The following CYFIP2 variants were observed in gnomAD, a reference collection of about 807,000 sequenced individuals.
CYFIP2 encodes cytoplasmic FMR1 interacting protein 2.
In CYFIP2, 29 loss-of-function variants were observed where a neutral mutation model predicts 158.7. The observed-to-expected ratio is 0.18, with a 90% CI of 0.14 to 0.25. CYFIP2 has a LOEUF of 0.25. CYFIP2 is among the 10% of genes least tolerant of loss of function. The pLI is 1.00. For synonymous variants in CYFIP2, 585 were observed against 617.6 expected (o/e 0.95, Z 0.78); for missense variants, 852 against 1,639.5 (o/e 0.52, Z 8.29).
At chr5:157,312,854 G>T (rs1169128222) in intron 11 of CYFIP2, among the ~76,000 whole-genome samples, 1 of 152,158 alleles carries the variant, frequency 6.6e-6, no homozygotes, top group Non-Finnish European at 1.5e-5. Flanking sequence ...TTGAGTGCTA[G>T]AGCTCTTTTA....
chr5:157,358,852 T>C (rs1480320592), intron 23 of CYFIP2, among the ~76,000 whole-genome samples, 153 bp from the exon 24 acceptor site: 1 of 152,214 alleles, frequency 6.6e-6, no homozygotes, highest in Admixed American at 6.5e-5. Flanking sequence ...CCTCTCTCTA[T>C]GACCACCATT....
chr5:157,317,917 G>A (rs186920422), intron 13 of CYFIP2, among the ~76,000 whole-genome samples: 2 of 152,028 alleles, frequency 1.3e-5, no homozygotes, highest in African/African-American at 4.8e-5. Context: ...GCATGGGTTT[G>A]TCTCTAGACC....
At chr5:157,383,616 C>T (rs1766349173) in intron 28 of CYFIP2, 6 of 373,544 alleles carry the variant, frequency 1.6e-5, no homozygotes, top group Middle Eastern at 7.4e-4. Context: ...AAACAAGTAT[C>T]TACTGTGTCC....
At position 157,319,449 on chromosome 5, in the gene CYFIP2, T is replaced by C. The variant is rs1046077565; in HGVS notation, c.1357-313T>C. 3.9e-5 allele frequency among the ~76,000 whole-genome samples: 6 copies of C among 152,358 alleles called. No individual in the cohort carries two copies. The East Asian group carries it at 1.2e-3, about 29-fold the overall frequency. ...AAATTGTGGCCCATGGGCCAGCTGC[T>C]ATTTGTCAGCAGTGAACAACAAAAT... On this transcript the variant is annotated intron_variant, in intron 13 of 30. Transcript: ENST00000620254.
intron 26 of CYFIP2, among the ~76,000 whole-genome samples, chr5:157,371,228 A>T (rs1341829570): frequency 6.6e-6 from 1 of 152,110 alleles, no homozygotes; most frequent in Non-Finnish European, 1.5e-5. Flanking sequence ...CATATAAGGG[A>T]ATGTTTAGAA....
At chr5:157,329,677 A>C (rs1317216347) in intron 19 of CYFIP2, among the ~76,000 whole-genome samples, 1 of 152,196 alleles carries the variant, frequency 6.6e-6, no homozygotes, top group Non-Finnish European at 1.5e-5. Flanking sequence ...TTTGACATAC[A>C]CTCAATATAG....
chr5:157,301,534 A>G (rs1296160695), intron 6 of CYFIP2, among the ~76,000 whole-genome samples: 1 of 152,196 alleles, frequency 6.6e-6, no homozygotes, highest in East Asian at 1.9e-4. Context: ...AGCTTGAGTC[A>G]TATGCTAAAC....
intron 3 of CYFIP2, 62 bp from the exon 4 acceptor site, chr5:157,294,721 G>A: frequency 6.3e-6 from 9 of 1,420,450 alleles, no homozygotes; most frequent in Non-Finnish European, 8.9e-6. Context: ...GGATCTGGGG[G>A]CTTTTGCAGC....
At chr5:157,316,308 G>T (rs991917817) in intron 13 of CYFIP2, among the ~76,000 whole-genome samples, 32 of 152,006 alleles carry the variant, frequency 2.1e-4, no homozygotes, top group African/African-American at 7.5e-4. Context: ...GTCTAAATAC[G>T]TATATCAACA....
chr5:157,317,172 G>A (rs2277026), intron 13 of CYFIP2, among the ~76,000 whole-genome samples: 48,745 of 151,706 alleles, frequency 0.32, 8,633 homozygotes, highest in African/African-American at 0.48. Context: ...ACCTTATATC[G>A]TCATCCAAGC....
chr5:157,288,169 G>A (rs1757540943), intron 3 of CYFIP2, among the ~76,000 whole-genome samples: 1 of 152,196 alleles, frequency 6.6e-6, no homozygotes, highest in Admixed American at 6.5e-5. Flanking sequence ...GCAGTATCTG[G>A]TGAGAGCCTT....
intron 23 of CYFIP2, chr5:157,342,939 G>C: frequency 1.2e-6 from 2 of 1,614,216 alleles, no homozygotes; most frequent in Non-Finnish European, 1.7e-6. Context: ...GGGGCATCCT[G>C]GTTGGCTTCG....
intron 17 of CYFIP2, 31 bp from the exon 18 acceptor site, chr5:157,326,140 C>T: frequency 1.3e-6 from 2 of 1,530,852 alleles, no homozygotes; most frequent in African/African-American, 2.7e-5. Context: ...GGGTTATTAG[C>T]AAGCGGCTGG....
At chr5:157,302,967 C>A in intron 7 of CYFIP2, 77 bp downstream of exon 7, 1 of 1,129,434 alleles carries the variant, frequency 8.9e-7, no homozygotes, top group Non-Finnish European at 1.3e-6. Flanking sequence ...GGGTGGACCA[C>A]GAGCCCAAGC....
At chr5:157,391,429 G>C (rs771863181) in intron 30 of CYFIP2, among the ~76,000 whole-genome samples, 1 of 152,076 alleles carries the variant, frequency 6.6e-6, no homozygotes, top group East Asian at 1.9e-4. Flanking sequence ...TGAAACTCCG[G>C]GCCCATTAAA....
At chr5:157,325,460 GC>G (rs765628281) in intron 16 of CYFIP2, 21 bp from the exon 17 acceptor site, 1 of 1,579,584 alleles carries the variant, frequency 6.3e-7, no homozygotes, top group Non-Finnish European at 8.6e-7. Context: ...GTAACCAAAG[GC>G]TCGTTCCCTT....
At chr5:157,377,321 T>A (rs564062056) in intron 26 of CYFIP2, among the ~76,000 whole-genome samples, 1 of 152,186 alleles carries the variant, frequency 6.6e-6, no homozygotes, top group South Asian at 2.1e-4. Flanking sequence ...AAAGCTTCAG[T>A]CTACCTTGGC....
chr5:157,389,523 G>T, intron 29 of CYFIP2, 96 bp downstream of exon 29: 1 of 1,177,448 alleles, frequency 8.5e-7, no homozygotes, highest in Non-Finnish European at 1.2e-6. Context: ...CGTGGGCAGG[G>T]GGTGGGGGTG....
chr5:157,276,880 C>G (rs1756588298), intron 1 of CYFIP2, among the ~76,000 whole-genome samples: 1 of 151,966 alleles, frequency 6.6e-6, no homozygotes, highest in Admixed American at 6.6e-5. Flanking sequence ...TTAGTTTTCT[C>G]TCTGTGATTG....
Sources: allele counts gnomAD v4.1 joint callset (sites outside exome capture counted in the v4.1 genomes callset), GRCh38; gene constraint gnomAD v4.1.1; transcripts MANE v1.5; gene names NCBI Gene and HGNC (gene_info 2026-07-23, HGNC 2026-07-21).